The following GALNTL6 variants were observed in gnomAD, a reference collection of about 807,000 sequenced individuals.
GALNTL6 encodes the protein polypeptide N-acetylgalactosaminyltransferase like 6, also known as polypeptide N-acetylgalactosaminyltransferase-like 6.
A neutral mutation model predicts 73.7 loss-of-function variants in GALNTL6; 46 were observed. That is an observed-to-expected ratio of 0.62 (90% confidence interval 0.49 to 0.80). GALNTL6 has a LOEUF of 0.80. Ranked by LOEUF, GALNTL6 falls within the 30% of genes least tolerant of loss-of-function variation. The pLI is 0.00. For synonymous variants in GALNTL6, 259 were observed against 263.7 expected (o/e 0.98, Z 0.17); for missense variants, 604 against 755.0 (o/e 0.80, Z 2.34).
intron 2 of GALNTL6, among the ~76,000 whole-genome samples, chr4:171,970,603 G>A (rs1321453302): frequency 6.6e-6 from 1 of 152,068 alleles, no homozygotes; most frequent in African/African-American, 2.4e-5. Context: ...TAATCCTAGG[G>A]AATTGGATTA....
Position 172,437,503 on chromosome 4 carries a change from A to G in GALNTL6, c.553+88814A>G, listed in dbSNP as rs367647938. 2.2e-3 allele frequency among the ~76,000 whole-genome samples: 330 copies of G among 152,260 alleles called. 2 individuals are homozygous for G. Among genetic ancestry groups the G allele is most frequent in the African/African-American group, 7.4e-3 (309 of 41,570 alleles). On this transcript the variant is annotated intron_variant, in intron 5 of 12. Transcript: ENST00000506823. ...GCATTCAAGGCAATTCAGAAAGGAAAGAAAAAGAAATGTGATAAATGATTC... is the reference window on the plus strand; with the variant it reads ...GCATTCAAGGCAATTCAGAAAGGAAGGAAAAAGAAATGTGATAAATGATTC...
At chr4:172,952,328 T>TG in intron 10 of GALNTL6, 70 bp downstream of exon 10, 4 of 1,057,240 alleles carry the variant, frequency 3.8e-6, no homozygotes, top group Non-Finnish European at 5.7e-6. Context: ...CCTCAGGTGG[T>TG]GGGAGGGACT....
At chr4:171,931,805 T>G (rs1248155212) in intron 2 of GALNTL6, among the ~76,000 whole-genome samples, 1 of 151,720 alleles carries the variant, frequency 6.6e-6, no homozygotes, top group African/African-American at 2.4e-5. Context: ...GTTCACTCCA[T>G]TATAAGAATA....
At chr4:172,101,137 G>T (rs1040949659) in intron 2 of GALNTL6, among the ~76,000 whole-genome samples, 1 of 152,010 alleles carries the variant, frequency 6.6e-6, no homozygotes, top group Non-Finnish European at 1.5e-5. Context: ...ACTGGCACTT[G>T]TAGAGCCAGT....
intron 2 of GALNTL6, among the ~76,000 whole-genome samples, chr4:171,833,806 A>G (rs1735036318): frequency 6.6e-6 from 1 of 151,770 alleles, no homozygotes; most frequent in South Asian, 2.1e-4. Flanking sequence ...TTATTTTAGA[A>G]CGTGCTTATA....
intron 5 of GALNTL6, among the ~76,000 whole-genome samples, chr4:172,546,970 A>G (rs941285830): frequency 6.7e-6 from 1 of 149,702 alleles, no homozygotes; most frequent in African/African-American, 2.5e-5. Context: ...TGAAACTGAA[A>G]CTCTATGCGT....
intron 5 of GALNTL6, among the ~76,000 whole-genome samples, chr4:172,642,906 T>C (rs548960340): frequency 6.6e-6 from 1 of 152,024 alleles, no homozygotes; most frequent in Admixed American, 6.6e-5. Flanking sequence ...GCCTCATGCA[T>C]GTCACTTATT....
At chr4:172,778,825 C>T (rs565750986) in intron 5 of GALNTL6, among the ~76,000 whole-genome samples, 47 of 152,298 alleles carry the variant, frequency 3.1e-4, no homozygotes, top group African/African-American at 1.0e-3. Flanking sequence ...CCTGGAACTT[C>T]CTCCAGGTCT....
At chr4:171,986,433 A>G (rs963093536) in intron 2 of GALNTL6, among the ~76,000 whole-genome samples, 10 of 152,178 alleles carry the variant, frequency 6.6e-5, no homozygotes, top group Non-Finnish European at 7.3e-5. Context: ...CACAGGGGAT[A>G]TGATGGCTTA....
intron 5 of GALNTL6, among the ~76,000 whole-genome samples, chr4:172,757,760 G>A (rs913881482): frequency 6.6e-6 from 1 of 152,184 alleles, no homozygotes; most frequent in African/African-American, 2.4e-5. Flanking sequence ...ACAATTGAAT[G>A]TGGTCTACCT....
In GALNTL6 at chr4:171,892,591, T is replaced by C. The variant is rs575688458; in HGVS notation, c.138+77873T>C. Among the ~76,000 whole-genome samples, 9 of 152,258 alleles carry C rather than the reference T, an allele frequency of 5.9e-5. No homozygotes were observed. The East Asian group carries it at 1.5e-3, about 26-fold the overall frequency. Reference sequence around the variant, plus strand: ...AAATAACGTTTTTTAAGACAAAGCCTCTCTGTGTTATCTAGGCTGAAGTGC... The same window carrying C: ...AAATAACGTTTTTTAAGACAAAGCCCCTCTGTGTTATCTAGGCTGAAGTGC... On this transcript the variant is annotated intron_variant, in intron 2 of 12. Transcript: ENST00000506823.
intron 5 of GALNTL6, among the ~76,000 whole-genome samples, chr4:172,521,748 A>C (rs1237162207): frequency 1.3e-5 from 2 of 152,208 alleles, no homozygotes; most frequent in African/African-American, 4.8e-5. Context: ...AATTAAATCT[A>C]TTTCAAATAT....
intron 2 of GALNTL6, among the ~76,000 whole-genome samples, chr4:171,913,126 A>G (rs1737521305): frequency 6.6e-6 from 1 of 152,202 alleles, no homozygotes. Flanking sequence ...TCTTCTGATC[A>G]GAAACCATGA....
intron 11 of GALNTL6, among the ~76,000 whole-genome samples, chr4:173,010,163 A>G (rs1335813389): frequency 6.6e-6 from 1 of 151,986 alleles, no homozygotes; most frequent in African/African-American, 2.4e-5. Flanking sequence ...ACACCCTCCC[A>G]CTACCCTTGC....
intron 5 of GALNTL6, among the ~76,000 whole-genome samples, chr4:172,762,644 A>G (rs1345158189): frequency 1.3e-5 from 2 of 152,152 alleles, no homozygotes; most frequent in Non-Finnish European, 2.9e-5. Context: ...TGTGACATTA[A>G]TCACAGTTAT....
At chr4:172,293,889 C>CT (rs1739564213) in intron 3 of GALNTL6, among the ~76,000 whole-genome samples, 1 of 150,490 alleles carries the variant, frequency 6.6e-6, no homozygotes, top group Non-Finnish European at 1.5e-5. Flanking sequence ...TTTTATTATA[C>CT]TTTAAGTTTT....
intron 2 of GALNTL6, among the ~76,000 whole-genome samples, chr4:172,059,746 G>T (rs577622443): frequency 1.3e-5 from 2 of 152,162 alleles, no homozygotes; most frequent in Middle Eastern, 3.2e-3. Context: ...TTTTACTCAT[G>T]CTATGTTTAT....
chr4:172,007,911 AT>A (rs913929880), intron 2 of GALNTL6, among the ~76,000 whole-genome samples: 2 of 151,220 alleles, frequency 1.3e-5, no homozygotes, highest in South Asian at 2.1e-4. Context: ...TTTTTATTAG[AT>A]TTTTTTTTCA....
At chr4:171,988,246 C>G (rs111278649) in intron 2 of GALNTL6, among the ~76,000 whole-genome samples, 2,379 of 152,140 alleles carry the variant, frequency 0.016, 38 homozygotes, top group South Asian at 0.049. Flanking sequence ...GAAAGGAGTT[C>G]TTGTTTTGTA....
Sources: allele counts gnomAD v4.1 joint callset (sites outside exome capture counted in the v4.1 genomes callset), GRCh38; gene constraint gnomAD v4.1.1; transcripts MANE v1.5; gene names NCBI Gene and HGNC (gene_info 2026-07-23, HGNC 2026-07-21).